The following KCTD1 variants were observed in gnomAD, a reference collection of about 807,000 sequenced individuals.
The protein encoded by KCTD1 is potassium channel tetramerization domain containing 1, also known as BTB/POZ domain-containing protein KCTD1.
KCTD1 carries 24 observed loss-of-function variants against 66.0 expected under a neutral mutation model. The ratio of observed to expected loss-of-function variants is 0.36; its 90% CI spans 0.26 to 0.51. The LOEUF (loss-of-function observed/expected upper bound fraction) is 0.51. Among genes scored for constraint, KCTD1 ranks in the 20% least tolerant of loss-of-function variants. The pLI is 0.95. For missense variants in KCTD1, 943 were observed against 1,205.2 expected (o/e 0.78, Z 3.22); for synonymous variants, 511 against 517.2 (o/e 0.99, Z 0.16).
At chr18:26,551,174 G>A (rs1985554542), upstream of KCTD1, among the ~76,000 whole-genome samples, 2 of 152,204 alleles carry the variant, frequency 1.3e-5, no homozygotes, top group South Asian at 4.1e-4. Context: ...TGGACGCTCC[G>A]GGAAACAAAG....
intron 1 of KCTD1, among the ~76,000 whole-genome samples, chr18:26,596,744 C>A (rs1008810274): frequency 6.6e-6 from 1 of 152,200 alleles, no homozygotes; most frequent in Non-Finnish European, 1.5e-5. Flanking sequence ...GTGCCGAGCA[C>A]AAAGTAATAG....
intron 2 of KCTD1, among the ~76,000 whole-genome samples, chr18:26,490,872 C>T (rs1478483284): frequency 6.6e-6 from 1 of 151,966 alleles, no homozygotes; most frequent in Non-Finnish European, 1.5e-5. Context: ...CATGCCTCAG[C>T]CTCCCGAGTA....
chr18:26,608,481 A>G (rs978933269), intron 1 of KCTD1, among the ~76,000 whole-genome samples: 1 of 152,218 alleles, frequency 6.6e-6, no homozygotes, highest in African/African-American at 2.4e-5. Context: ...TTTGTGACAG[A>G]AAGAACCTGA....
At position 26,625,271 on chromosome 18, in the gene KCTD1, G is replaced by A. The variant is rs560392444; in HGVS notation, c.-16+3876C>T. Among the ~76,000 whole-genome samples, 11 of 152,286 alleles carry A rather than the reference G, an allele frequency of 7.2e-5. No homozygotes were observed. The South Asian group carries it at 1.0e-3, about 14-fold the overall frequency. ...ATTGTGTTTTGAAATGTAAGGACAT[G>A]AGATTTGGCAGGGGCGGGGGAGGAA... On this transcript the variant is annotated intron_variant, in intron 1 of 4. Transcript: ENST00000317932.
chr18:26,546,723 G>T lies in KCTD1; in HGVS notation c.1809+5C>A. On this transcript the variant is annotated splice_donor_5th_base_variant and intron_variant, in intron 1 of 4. Transcript: ENST00000580059. The stretch of plus-strand genomic sequence containing the variant: ...CATTTCATGCATAGAGTTTGGTTTG[G>T]TTACCTGGGTGGGGGAAACAATAGC... 6.5e-7 allele frequency: 1 copy of T among 1,544,084 alleles called. No individual in the cohort carries two copies.
intron 1 of KCTD1, among the ~76,000 whole-genome samples, chr18:26,607,021 C>T (rs1391844941): frequency 6.6e-6 from 1 of 152,118 alleles, no homozygotes; most frequent in Non-Finnish European, 1.5e-5. Context: ...CTGGGCAGAT[C>T]TAGCTGCTTT....
At chr18:26,552,688 T>C (rs534380631), upstream of KCTD1, among the ~76,000 whole-genome samples, 1 of 152,326 alleles carries the variant, frequency 6.6e-6, no homozygotes, top group South Asian at 2.1e-4. Flanking sequence ...GGGACCCTTT[T>C]CTTGCAGTAG....
At chr18:26,464,109 T>G (rs1980593861) in intron 3 of KCTD1, among the ~76,000 whole-genome samples, 1 of 152,178 alleles carries the variant, frequency 6.6e-6, no homozygotes, top group African/African-American at 2.4e-5. Context: ...CTGTGAGAAA[T>G]TACCACAAAT....
rs7243826 is a variant in KCTD1 at position 26,573,502 on chromosome 18, C to T, written c.-16+55645G>A. On this transcript the variant is annotated intron_variant, in intron 1 of 4. Coordinates refer to the KCTD1 transcript ENST00000317932. ...GCAAGTTGTTTATTTTGAATTAATACGAACAATAAAATGTTTATGTTTGGG... is the reference window on the plus strand; with the variant it reads ...GCAAGTTGTTTATTTTGAATTAATATGAACAATAAAATGTTTATGTTTGGG... Among the ~76,000 whole-genome samples, 19 of 152,032 alleles carry T rather than the reference C, an allele frequency of 1.2e-4. No homozygotes were observed. The East Asian group carries it at 1.3e-3, about 11-fold the overall frequency.
chr18:26,571,764 T>C lies in KCTD1; in HGVS notation c.-16+57383A>G, dbSNP rs948910169. ...AATATGGTATGGTGACCGTGCATAG[T>C]AACTGGCATTCATAGTGTAACCCAT... On this transcript the variant is annotated intron_variant, in intron 1 of 4. Coordinates refer to the KCTD1 transcript ENST00000317932. Among the ~76,000 whole-genome samples the C allele has an allele frequency of 3.3e-5, 5 of 152,308 alleles. No homozygotes were observed. In the East Asian group the frequency reaches 7.7e-4, roughly 23 times the overall value.
intron 1 of KCTD1, among the ~76,000 whole-genome samples, chr18:26,595,889 T>A (rs1046439441): frequency 1.3e-5 from 2 of 151,922 alleles, no homozygotes; most frequent in African/African-American, 2.4e-5. Context: ...AAAATAATTT[T>A]AAAAAGTTAG....
chr18:26,558,793 C>T (rs1041757172), intron 1 of KCTD1, among the ~76,000 whole-genome samples: 1 of 151,854 alleles, frequency 6.6e-6, no homozygotes, highest in Non-Finnish European at 1.5e-5. Context: ...CATGGTGGCA[C>T]GCACCTGTAG....
intron 2 of KCTD1, among the ~76,000 whole-genome samples, chr18:26,494,197 CCT>C (rs1230009382): frequency 6.6e-6 from 1 of 151,756 alleles, no homozygotes; most frequent in Non-Finnish European, 1.5e-5. Flanking sequence ...TAGTGAGACC[CCT>C]GTCTTTACAA....
intron 3 of KCTD1, among the ~76,000 whole-genome samples, chr18:26,467,032 G>A (rs956791416): frequency 1.3e-5 from 2 of 152,080 alleles, no homozygotes; most frequent in Non-Finnish European, 2.9e-5. Context: ...TAAATGGAAA[G>A]GTAAAGGTTA....
upstream of KCTD1, among the ~76,000 whole-genome samples, chr18:26,633,109 T>C (rs971135687): frequency 3.9e-5 from 6 of 152,052 alleles, no homozygotes; most frequent in Non-Finnish European, 8.8e-5. Flanking sequence ...GAAGTAAATA[T>C]GGTATTGGTA....
chr18:26,484,533 A>C (rs563773725), intron 2 of KCTD1, among the ~76,000 whole-genome samples: 1 of 152,296 alleles, frequency 6.6e-6, no homozygotes, highest in South Asian at 2.1e-4. Flanking sequence ...AAGCTTATTA[A>C]TCCTCCCCTG....
At position 26,650,822 on chromosome 18, in the gene KCTD1, T is replaced by C. The variant is rs374075625; in HGVS notation, c.9+6538A>G. ...AAAAACAAGTCAGTGATGATAGCAGTAGATGCTTTGGAAAGATTTATCAGG... is the reference window on the plus strand; with the variant it reads ...AAAAACAAGTCAGTGATGATAGCAGCAGATGCTTTGGAAAGATTTATCAGG... On this transcript the variant is annotated intron_variant, in intron 1 of 4. Coordinates refer to the KCTD1 transcript ENST00000580191. Among the ~76,000 whole-genome samples the C allele has an allele frequency of 6.6e-5, 10 of 152,386 alleles. No individual in the cohort carries two copies. The East Asian group carries it at 1.7e-3, about 26-fold the overall frequency.
intron 1 of KCTD1, among the ~76,000 whole-genome samples, chr18:26,570,435 G>T (rs1233044289): frequency 6.6e-6 from 1 of 151,900 alleles, no homozygotes; most frequent in Non-Finnish European, 1.5e-5. Flanking sequence ...TGGAGACAAG[G>T]TCTTGCTCTG....
At chr18:26,571,583 TTGTAC>T (rs1439034684) in intron 1 of KCTD1, among the ~76,000 whole-genome samples, 1 of 152,164 alleles carries the variant, frequency 6.6e-6, no homozygotes, top group Non-Finnish European at 1.5e-5. Flanking sequence ...ATGAAAATAG[TTGTAC>T]TGTATTGTTT....
Sources: allele counts gnomAD v4.1 joint callset (sites outside exome capture counted in the v4.1 genomes callset), GRCh38; gene constraint gnomAD v4.1.1; transcripts MANE v1.5; gene names NCBI Gene and HGNC (gene_info 2026-07-23, HGNC 2026-07-21).